The following SLC44A5 variants were observed in gnomAD, a reference collection of about 807,000 sequenced individuals.
SLC44A5 encodes choline transporter-like protein 5.
A neutral mutation model predicts 101.8 loss-of-function variants in SLC44A5; 57 were observed. The observed-to-expected ratio is 0.56, with a 90% confidence interval of 0.45 to 0.70. SLC44A5 has a LOEUF of 0.70. Among genes scored for constraint, SLC44A5 ranks in the 30% least tolerant of loss-of-function variants. The pLI is 0.00. For missense variants in SLC44A5, 737 were observed against 853.1 expected (o/e 0.86, Z 1.70); for synonymous variants, 281 against 290.9 (o/e 0.97, Z 0.35).
chr1:75,499,111 T>C (rs936591968), intron 2 of SLC44A5, among the ~76,000 whole-genome samples: 2 of 152,250 alleles, frequency 1.3e-5, no homozygotes, highest in Admixed American at 6.5e-5. Context: ...AGCTATACCA[T>C]ATAGCTTAGG....
Position 75,542,694 on chromosome 1 carries a change from T to C in SLC44A5, c.-69-1178A>G, listed in dbSNP as rs750897147. Among the ~76,000 whole-genome samples, 59 of 152,282 alleles carry C rather than the reference T, an allele frequency of 3.9e-4. No individual in the cohort carries two copies. The Middle Eastern group carries it at 0.014, about 35-fold the overall frequency. On this transcript the variant is annotated intron_variant, in intron 1 of 23. Transcript: ENST00000370859. ...TTGTACTGATTGGTGTCTGAATGTA[T>C]TACTTACAAAGTTATGTAAAGCTTA...
At chr1:75,409,197 T>G (rs1211044818) in intron 2 of SLC44A5, among the ~76,000 whole-genome samples, 1 of 152,142 alleles carries the variant, frequency 6.6e-6, no homozygotes, top group African/African-American at 2.4e-5. Context: ...GGGGCAAGGT[T>G]TGATAAATAA....
chr1:75,614,583 A>G (rs1675786052), upstream of SLC44A5, among the ~76,000 whole-genome samples: 2 of 152,206 alleles, frequency 1.3e-5, no homozygotes, highest in Admixed American at 1.3e-4. Context: ...CCCACAAGCC[A>G]GACTTGGGAG....
At chr1:75,668,315 CTTTTTTTTTTTTTTTT>C in the SLC44A5 span, among the ~76,000 whole-genome samples, 1 of 65,088 alleles carries the variant, frequency 1.5e-5, no homozygotes, top group African/African-American at 5.8e-5. Flanking sequence ...TCCTAGGAGC[CTTTTTTTTTTTTTTTT>C]TTTTTTTTTT....
In SLC44A5 at chr1:75,289,128, C is replaced by T. The variant is rs577106177; in HGVS notation, c.175+11484G>A. On this transcript the variant is annotated intron_variant, in intron 5 of 23. Transcript: ENST00000370859. ...CTCCATAATTAAAGATAAGTTACTG[C>T]GTCTTACATTTTCTGCTATTAAAAG... is the stretch of plus-strand genomic sequence containing the variant. Among the ~76,000 whole-genome samples the T allele has an allele frequency of 9.9e-5, 15 of 152,208 alleles. No individual in the cohort carries two copies. The South Asian group carries it at 2.1e-3, about 21-fold the overall frequency.
At chr1:75,606,573 A>T (rs901215129) in intron 1 of SLC44A5, among the ~76,000 whole-genome samples, 4 of 152,020 alleles carry the variant, frequency 2.6e-5, no homozygotes, top group African/African-American at 9.7e-5. Flanking sequence ...CTCCCTTTAA[A>T]GCAAAACCCT....
chr1:75,674,825 A>C, the SLC44A5 span, among the ~76,000 whole-genome samples: 1 of 152,376 alleles, frequency 6.6e-6, no homozygotes, highest in African/African-American at 2.4e-5. Context: ...AATTTTCTGC[A>C]TATGGCTAGC....
chr1:75,624,628 C>A, the SLC44A5 span, among the ~76,000 whole-genome samples: 1 of 152,128 alleles, frequency 6.6e-6, no homozygotes, highest in Non-Finnish European at 1.5e-5. Context: ...CCAAAGTCCT[C>A]TGAAACAACC....
chr1:75,449,872 A>G (rs959257745), intron 2 of SLC44A5, among the ~76,000 whole-genome samples: 1 of 152,032 alleles, frequency 6.6e-6, no homozygotes, highest in Non-Finnish European at 1.5e-5. Context: ...ATGCTGGCGC[A>G]TGCCTGTAGT....
intron 2 of SLC44A5, among the ~76,000 whole-genome samples, chr1:75,524,742 A>G (rs1670324719): frequency 6.6e-6 from 1 of 152,196 alleles, no homozygotes; most frequent in African/African-American, 2.4e-5. Context: ...ACAACATTGT[A>G]AAGTGTTAAT....
At chr1:75,273,922 A>G (rs150455715) in intron 6 of SLC44A5, among the ~76,000 whole-genome samples, 6 of 152,236 alleles carry the variant, frequency 3.9e-5, no homozygotes, top group African/African-American at 1.4e-4. Context: ...CTCTTTCTCT[A>G]TCTTTCGGAA....
chr1:75,317,945 A>T (rs558144321), intron 4 of SLC44A5, among the ~76,000 whole-genome samples: 1 of 152,256 alleles, frequency 6.6e-6, no homozygotes, highest in South Asian at 2.1e-4. Flanking sequence ...GGGGACACAA[A>T]CCTTCAGTCC....
intron 4 of SLC44A5, among the ~76,000 whole-genome samples, chr1:75,317,230 C>G (rs1375870870): frequency 6.6e-6 from 1 of 152,178 alleles, no homozygotes; most frequent in Non-Finnish European, 1.5e-5. Flanking sequence ...TGCAAGATCA[C>G]AGCAGGTCAG....
chr1:75,282,306 G>T, intron 5 of SLC44A5, among the ~76,000 whole-genome samples: 1 of 152,204 alleles, frequency 6.6e-6, no homozygotes, highest in Non-Finnish European at 1.5e-5. Flanking sequence ...TTTGGAATGG[G>T]TGTATTAACC....
At chr1:75,220,036 A>AT (rs921901881) in intron 14 of SLC44A5, 144 bp from the exon 15 acceptor site, 18 of 499,886 alleles carry the variant, frequency 3.6e-5, no homozygotes, top group African/African-American at 3.2e-4. Flanking sequence ...TTACATTTTT[A>AT]TTTATTTATT....
intron 2 of SLC44A5, among the ~76,000 whole-genome samples, chr1:75,438,731 G>A (rs575259664): frequency 3.7e-4 from 57 of 152,122 alleles, no homozygotes; most frequent in African/African-American, 1.3e-3. Context: ...TCTTTCTGAA[G>A]AAAAGCATCC....
intron 1 of SLC44A5, among the ~76,000 whole-genome samples, chr1:75,610,079 G>A (rs1675563356): frequency 6.6e-6 from 1 of 150,776 alleles, no homozygotes; most frequent in African/African-American, 2.4e-5. Flanking sequence ...ATTAGCAGGA[G>A]GCCTCAGTTC....
chr1:75,262,688 A>G (rs1650628418), intron 6 of SLC44A5, among the ~76,000 whole-genome samples: 1 of 152,198 alleles, frequency 6.6e-6, no homozygotes, highest in Non-Finnish European at 1.5e-5. Context: ...ATCCTAAGCC[A>G]AAAGAACAAA....
At chr1:75,338,314 G>T (rs1657603697) in intron 4 of SLC44A5, among the ~76,000 whole-genome samples, 1 of 152,150 alleles carries the variant, frequency 6.6e-6, no homozygotes, top group African/African-American at 2.4e-5. Context: ...GAAGACAGGA[G>T]ATCTCACCTC....
Sources: gnomAD v4.1 joint callset for allele counts (sites outside exome capture counted in the v4.1 genomes callset) on GRCh38, gnomAD v4.1.1 for gene constraint, MANE v1.5 for transcripts, NCBI Gene and HGNC (gene_info 2026-07-23, HGNC 2026-07-21) for gene names.